Variants in WDR90 observed in about 807,000 individuals in gnomAD.
WDR90 encodes WD repeat-containing protein 90.
WDR90 carries 238 observed loss-of-function variants against 195.2 expected under a neutral mutation model. The ratio of observed to expected loss-of-function variants is 1.22; its 90% CI spans 1.10 to 1.36. The LOEUF is 1.36. Ranked by LOEUF, WDR90 falls within the 40% of genes most tolerant of loss-of-function variation. The pLI is 0.00. For missense variants in WDR90, 2,734 were observed against 2,439.5 expected (o/e 1.12, Z -2.54); for synonymous variants, 1,265 against 1,052.4 (o/e 1.20, Z -3.91).
rs901454793 is a variant in WDR90, at chr16:658,826, C to T, written c.2896-70C>T. On this transcript the variant is annotated intron_variant, in intron 23 of 40. Transcript: ENST00000293879. ...TCACACTGTGTGGGGCTCACCGTCC[C>T]TGGGGACTGGGCACACGGCAGCATC... 2.8e-5 allele frequency: 44 copies of T among 1,589,642 alleles called. 1 individual carries two copies. In the African/African-American group the frequency reaches 5.5e-4, roughly 20 times the overall value.
chr16:660,961 G>GGCC, intron 28 of WDR90, 90 bp from the exon 29 acceptor site: 6 of 332,442 alleles, frequency 1.8e-5, no homozygotes, highest in South Asian at 1.3e-4. Context: ...CTCGGCCCAG[G>GGCC]CCCCGCCCCC....
rs373829161 is a variant in WDR90 at position 653,794 on chromosome 16, C to T, written c.1428C>T (p.His476=). The change falls in exon 13 of 41, where the codon CAC becomes CAT. Residue 476 remains histidine (H), a synonymous_variant. Coordinates refer to ENST00000293879, the MANE Select transcript of WDR90 (RefSeq NM_145294.5). ...ALLCGVGKDH[H]GRTMVVAWGT... Reference sequence around the variant, plus strand: ...TCTGCGGGGTTGGCAAGGACCACCACGGGAGGACGGTAACAGGGCCCTGGC... The same window carrying T: ...TCTGCGGGGTTGGCAAGGACCACCATGGGAGGACGGTAACAGGGCCCTGGC... 5.6e-5 allele frequency: 90 copies of T among 1,613,168 alleles called. No homozygotes were observed. Among genetic ancestry groups the T allele is most frequent in the Middle Eastern group, 1.6e-4 (1 of 6,062 alleles).
chr16:663,983 A>G (rs2037969287), intron 34 of WDR90, among the ~76,000 whole-genome samples: 1 of 152,138 alleles, frequency 6.6e-6, no homozygotes, highest in South Asian at 2.1e-4. Context: ...CCCATCATCC[A>G]GTTGCCCCTG....
At chr16:665,487 C>A in intron 34 of WDR90, 192 bp from the exon 35 acceptor site, 1 of 845,658 alleles carries the variant, frequency 1.2e-6, no homozygotes, top group Non-Finnish European at 1.8e-6. Context: ...TTGGTTTGGA[C>A]TCACCCAGAT....
At position 661,036 on chromosome 16, in the gene WDR90, CCT is replaced by C. The variant is rs1418595326; in HGVS notation, c.3392-10_3392-9del. Reference sequence around the variant, plus strand: ...CCCCCGGCCCGGCCTCAGGCCCCGCCCTCTCTGCGCACAGGCTTCTTTGCCTA... The same window carrying C: ...CCCCCGGCCCGGCCTCAGGCCCCGCCCTCTGCGCACAGGCTTCTTTGCCTA... On this transcript the variant is annotated splice_polypyrimidine_tract_variant and intron_variant, in intron 28 of 40. Coordinates refer to ENST00000293879, the MANE Select transcript of WDR90 (RefSeq NM_145294.5). 7.5e-7 allele frequency: 1 copy of C among 1,333,438 alleles called. No homozygotes were observed. The highest frequency in any genetic ancestry group is 1.3e-5 in the South Asian group (1 of 77,956). The allele number at this position is 1,333,438 out of a possible 1,614,324, so 82.6% of individuals were successfully genotyped here.
chr16:656,257 A>AC, intron 17 of WDR90, 45 bp from the exon 18 acceptor site: 1 of 1,555,330 alleles, frequency 6.4e-7, no homozygotes, highest in Non-Finnish European at 8.7e-7. Context: ...CATGCGGCTC[A>AC]CCCCGGGGTG....
chr16:658,058 G>C, intron 21 of WDR90, 125 bp from the exon 22 acceptor site: 1 of 1,467,344 alleles, frequency 6.8e-7, no homozygotes, highest in South Asian at 1.3e-5. Context: ...CCAGGTTCCT[G>C]TGCAGGGCAG....
intron 10 of WDR90, among the ~76,000 whole-genome samples, chr16:653,059 A>G (rs1404653697): frequency 6.6e-6 from 1 of 152,082 alleles, no homozygotes; most frequent in East Asian, 1.9e-4. Flanking sequence ...AGTTTCTTGC[A>G]CTGGAGGCGG....
At chr16:654,946 C>T (rs117120648) in intron 13 of WDR90, 83 bp from the exon 14 acceptor site, 53 of 1,401,096 alleles carry the variant, frequency 3.8e-5, no homozygotes, top group Admixed American at 5.6e-5. Context: ...AAGCCACCTC[C>T]GGGTGGGGCT....
chr16:653,911 T>G (rs2037695000), intron 13 of WDR90, 108 bp downstream of exon 13: 1 of 1,390,974 alleles, frequency 7.2e-7, no homozygotes, highest in Non-Finnish European at 9.9e-7. Context: ...CCTGGGTCCC[T>G]GCTCTGTGTC....
chr16:661,535 C>G (rs756741480), intron 30 of WDR90, 34 bp downstream of exon 30: 1 of 1,542,330 alleles, frequency 6.5e-7, no homozygotes, highest in Non-Finnish European at 8.6e-7. Flanking sequence ...CCAGGGGCTT[C>G]CCTAGACCCC....
chr16:665,175 T>G (rs2037995900), intron 34 of WDR90: 3 of 252,996 alleles, frequency 1.2e-5, no homozygotes, highest in East Asian at 6.4e-5. Context: ...TGCAGCGGTT[T>G]TGGGAGGAGG....
At chr16:665,846 CAGT>C (rs1567223751) in intron 35 of WDR90, 45 bp downstream of exon 35, 3 of 1,533,002 alleles carry the variant, frequency 2.0e-6, no homozygotes, top group South Asian at 2.5e-5. Context: ...GGGGCCTGCT[CAGT>C]GGGGGGCCTG....
chr16:661,940 C>T lies in WDR90; in HGVS notation c.3914C>T (p.Ser1305Leu), dbSNP rs772935882. 61 of 1,608,518 alleles carry T rather than the reference C, an allele frequency of 3.8e-5. No individual in the cohort carries two copies. In the Admixed American group the frequency reaches 5.7e-4, roughly 15 times the overall value. The change falls in exon 32 of 41, where the codon TCG becomes TTG. Residue 1305 changes from serine to leucine, a missense_variant. Physicochemically the swap from Ser to Leu is moderately radical, Grantham distance 145. Coordinates refer to ENST00000293879, the MANE Select transcript of WDR90 (RefSeq NM_145294.5). ...PEAVGAGELTSLCYGAPPLLY... is the reference protein window; with the variant it reads ...PEAVGAGELTLLCYGAPPLLY... ...GCAGTGGGGGCTGGAGAGCTGACCT[C>T]GCTCTGCTACGGGGCACCTCCCCTG... is the stretch of plus-strand genomic sequence containing the variant.
rs45613635 is a variant in WDR90 at position 658,275 on chromosome 16, C to T, written c.2697C>T (p.His899=). ...AVCFGPAALG[H]LLVSTSSNRV... is the part of the protein sequence containing the mutation. Reference sequence around the variant, plus strand: ...GCTTTGGCCCTGCAGCTCTGGGCCACCTGCTGGTGTCCACCTCGTCCAACA... The same window carrying T: ...GCTTTGGCCCTGCAGCTCTGGGCCATCTGCTGGTGTCCACCTCGTCCAACA... Residue 899 remains histidine, a synonymous_variant, in exon 22 of 41, where the codon CAC becomes CAT. Coordinates refer to ENST00000293879, the MANE Select transcript of WDR90 (RefSeq NM_145294.5). 1.2e-6 allele frequency: 2 copies of T among 1,612,526 alleles called. No individual in the cohort carries two copies. The highest frequency in any genetic ancestry group is 1.7e-6 in the Non-Finnish European group (2 of 1,179,848).
At chr16:665,293 C>G in intron 34 of WDR90, 1 of 435,534 alleles carries the variant, frequency 2.3e-6, no homozygotes. Flanking sequence ...TAGGGACGCA[C>G]GGCCACACTC....
chr16:666,929 T>G lies in WDR90; in HGVS notation c.5029T>G (p.Phe1677Val). 1 of 1,612,832 alleles carries G rather than the reference T, an allele frequency of 6.2e-7. No individual in the cohort carries two copies. Among genetic ancestry groups the G allele is most frequent in the Middle Eastern group, 1.7e-4 (1 of 6,060 alleles). ...GGTGGTGGAGAAGATACCACTGCCC[T>G]TTTTTGCCATGTCCCTGAGCCTGTC... ...KQVVEKIPLP[F>V]FAMSLSLSPG... The change falls in exon 40 of 41, where the codon TTT (phenylalanine) becomes GTT (valine). Residue 1677 changes from phenylalanine to valine, a missense_variant. By Grantham distance (50) the Phe-to-Val change is conservative (BLOSUM62 -1). Transcript: ENST00000293879.
chr16:667,091 C>A, intron 40 of WDR90, 102 bp downstream of exon 40: 2 of 1,264,188 alleles, frequency 1.6e-6, no homozygotes. Flanking sequence ...GCCCCGGGCT[C>A]CTCGTCTCTG....
chr16:649,460 C>A, intron 1 of WDR90, 34 bp downstream of exon 1: 1 of 1,289,618 alleles, frequency 7.8e-7, no homozygotes, highest in Non-Finnish European at 9.8e-7. Context: ...CCGAGGATCC[C>A]GGGTTCCGGG....
Sources: gnomAD v4.1 joint callset for allele counts (sites outside exome capture counted in the v4.1 genomes callset) on GRCh38, gnomAD v4.1.1 for gene constraint, MANE v1.5 for transcripts, NCBI Gene and HGNC (gene_info 2026-07-23, HGNC 2026-07-21) for gene names.